The following CELF2 variants were observed in gnomAD, a reference collection of about 807,000 sequenced individuals.
CELF2 encodes the protein CUGBP Elav-like family member 2.
CELF2 carries 8 observed loss-of-function variants against 62.6 expected under a neutral mutation model. That is an observed-to-expected ratio of 0.13 (90% confidence interval 0.07 to 0.23). The LOEUF (loss-of-function observed/expected upper bound fraction) is 0.23. Among genes scored for constraint, CELF2 ranks in the 10% least tolerant of loss-of-function variants. The probability of loss-of-function intolerance (pLI) is 1.00; values close to 1 mark genes in which losing one functional copy is unlikely to be tolerated. For synonymous variants in CELF2, 258 were observed against 250.0 expected (o/e 1.03, Z -0.30); for missense variants, 333 against 671.0 (o/e 0.50, Z 5.56).
the CELF2 span, among the ~76,000 whole-genome samples, chr10:10,592,021 C>CA: frequency 1.4e-3 from 203 of 141,822 alleles, 1 homozygote; most frequent in East Asian, 4.3e-3. Context: ...GGCCAAAAGA[C>CA]AAAAAAAAAA....
rs915956617 is a variant in CELF2 at position 11,165,025 on chromosome 10, T to G, written c.75-461T>G. On this transcript the variant is annotated intron_variant, in intron 1 of 12. Transcript: ENST00000633077. The surrounding 1 kb of genome is among the most constrained non-coding windows in gnomAD (Gnocchi z 7.4). ...ACCTCTCTCCTCTCTTCCAAAAACC[T>G]CCCAAAAAGGGCGGTGGGGCGGGGG... is the stretch of plus-strand genomic sequence containing the variant. 10 of 725,760 alleles carry G rather than the reference T, an allele frequency of 1.4e-5. No homozygotes were observed. The highest frequency in any genetic ancestry group is 1.5e-5 in the Non-Finnish European group (9 of 606,984). The allele number at this position is 725,760 out of a possible 1,614,324, so 45.0% of individuals were successfully genotyped here.
intron 4 of CELF2, among the ~76,000 whole-genome samples, chr10:11,256,957 T>C (rs958844343): frequency 6.6e-6 from 1 of 151,916 alleles, no homozygotes; most frequent in African/African-American, 2.4e-5. Context: ...TTCTTGATCA[T>C]TTGTGAAGGG....
chr10:11,097,024 G>A (rs182313385), intron 1 of CELF2, among the ~76,000 whole-genome samples: 132 of 152,242 alleles, frequency 8.7e-4, no homozygotes, highest in African/African-American at 2.9e-3. Flanking sequence ...AATAGGAAAC[G>A]AAGAGTTTTT....
chr10:10,850,498 A>G (rs1347048056), intron 1 of CELF2, among the ~76,000 whole-genome samples: 2 of 152,216 alleles, frequency 1.3e-5, no homozygotes, highest in African/African-American at 4.8e-5. Flanking sequence ...ACATGCCTCT[A>G]CTTTAACCAC....
rs1404887911 is a variant in CELF2 at position 10,957,392 on chromosome 10, A to T, written c.89+37393A>T. Among the ~76,000 whole-genome samples the T allele has an allele frequency of 4.6e-5, 7 of 152,306 alleles. 1 individual carries two copies. In the South Asian group the frequency reaches 8.3e-4, roughly 18 times the overall value. On this transcript the variant is annotated intron_variant, in intron 2 of 13. Transcript: ENST00000636488. This position sits in a 1 kb window ranked among gnomAD's most constrained non-coding sequence, Gnocchi z 4.1. ...CGCTCTCGCTGAAGGATGATCTCAG[A>T]TGCCTTCTGTTTGAATGTAAGAGGA... is the stretch of plus-strand genomic sequence containing the variant.
the CELF2 span, among the ~76,000 whole-genome samples, chr10:10,485,781 G>A: frequency 1.4e-4 from 21 of 152,206 alleles, no homozygotes; most frequent in African/African-American, 3.1e-4. Context: ...TATCCTATCC[G>A]TTCCTAAAAT....
the CELF2 span, among the ~76,000 whole-genome samples, chr10:10,672,294 G>A: frequency 6.6e-6 from 1 of 152,190 alleles, no homozygotes; most frequent in Admixed American, 6.5e-5. Context: ...CGCCATTTGT[G>A]TCACACTCAA....
At chr10:11,052,992 G>C (rs1316560985) in intron 1 of CELF2, among the ~76,000 whole-genome samples, 1 of 151,974 alleles carries the variant, frequency 6.6e-6, no homozygotes, top group Admixed American at 6.6e-5. Context: ...ATTACAGCCT[G>C]AGTTTTTTTT....
At chr10:10,554,636 A>G in the CELF2 span, among the ~76,000 whole-genome samples, 447 of 152,258 alleles carry the variant, frequency 2.9e-3, 4 homozygotes, top group African/African-American at 0.01. Flanking sequence ...TGATGGTCCC[A>G]GGTGCATTAC....
the CELF2 span, among the ~76,000 whole-genome samples, chr10:10,483,702 G>A: frequency 4.6e-5 from 7 of 152,064 alleles, no homozygotes; most frequent in Non-Finnish European, 8.8e-5. Context: ...CTGTCTACCA[G>A]GCTGGTGTCC....
chr10:10,684,407 A>G, the CELF2 span, among the ~76,000 whole-genome samples: 2 of 152,274 alleles, frequency 1.3e-5, no homozygotes, highest in East Asian at 3.9e-4. Context: ...ATGGAAAACG[A>G]TTTCCATTGC....
chr10:10,617,747 A>G, the CELF2 span, among the ~76,000 whole-genome samples: 1 of 152,134 alleles, frequency 6.6e-6, no homozygotes, highest in African/African-American at 2.4e-5. Context: ...AGAAGAAAGT[A>G]CAGGAAAGGG....
intron 1 of CELF2, among the ~76,000 whole-genome samples, chr10:11,047,842 A>G (rs942535877): frequency 2.0e-5 from 3 of 152,178 alleles, no homozygotes; most frequent in Non-Finnish European, 4.4e-5. Flanking sequence ...TTATTTGTCT[A>G]ATTTACCCAT....
the CELF2 span, among the ~76,000 whole-genome samples, chr10:10,501,844 C>T: frequency 6.6e-6 from 1 of 152,116 alleles, no homozygotes; most frequent in Non-Finnish European, 1.5e-5. Context: ...TTTGCATTGT[C>T]CTTGATATTG....
rs35287838 is a variant in CELF2 at position 11,224,134 on chromosome 10, G to A, written c.354+6627G>A. Among the ~76,000 whole-genome samples the A allele has an allele frequency of 0.083, 12,687 of 152,282 alleles. 529 individuals are homozygous for A. Among genetic ancestry groups the A allele is most frequent in the Middle Eastern group, 0.15 (44 of 292 alleles). On this transcript the variant is annotated intron_variant, in intron 3 of 12. Transcript: ENST00000633077. The surrounding 1 kb of genome is among the most constrained non-coding windows in gnomAD (Gnocchi z 4.5). ...GTGCAAAGTTGAAAATGCCAGCACA[G>A]GATTACAGTAGGGAATAGCCACACC...
At chr10:10,746,345 T>C in the CELF2 span, among the ~76,000 whole-genome samples, 1 of 103,718 alleles carries the variant, frequency 9.6e-6, no homozygotes, top group Non-Finnish European at 1.9e-5. Context: ...CACCAAAATT[T>C]GTTAGTCACC....
At chr10:11,043,090 G>A (rs949735578) in intron 1 of CELF2, among the ~76,000 whole-genome samples, 1 of 152,188 alleles carries the variant, frequency 6.6e-6, no homozygotes, top group Non-Finnish European at 1.5e-5. Context: ...CAACCTGTTT[G>A]TCTAAAGTGG....
At position 11,257,723 on chromosome 10, in the gene CELF2, A is replaced by C; in HGVS notation, c.404-15A>C. On this transcript the variant is annotated splice_polypyrimidine_tract_variant and intron_variant, in intron 4 of 12. Coordinates refer to ENST00000633077, the MANE Select transcript of CELF2 (RefSeq NM_001326342.2). ...ATGAAATGGCCTTTGCTCATTCGTT[A>C]TTTTTATCTCCTAGCTGTGGAAGAC... 1.9e-6 allele frequency: 3 copies of C among 1,611,062 alleles called. No individual in the cohort carries two copies. Among genetic ancestry groups the C allele is most frequent in the Non-Finnish European group, 2.5e-6 (3 of 1,177,396 alleles).
At chr10:10,656,918 TAAAA>T in the CELF2 span, among the ~76,000 whole-genome samples, 4 of 124,912 alleles carry the variant, frequency 3.2e-5, no homozygotes, top group Non-Finnish European at 5.2e-5. Context: ...GTAGAATCAA[TAAAA>T]AAAAAAAAAA....
Sources: allele counts gnomAD v4.1 joint callset (sites outside exome capture counted in the v4.1 genomes callset), GRCh38; gene constraint gnomAD v4.1.1; non-coding constraint Gnocchi (gnomAD v3.1); transcripts MANE v1.5; gene names NCBI Gene and HGNC (gene_info 2026-07-23, HGNC 2026-07-21).